ARMC3: variants seen among roughly 807,000 people sequenced by gnomAD.
The protein encoded by ARMC3 is armadillo repeat-containing protein 3.
ARMC3 carries 74 observed loss-of-function variants against 90.3 expected under a neutral mutation model. That is an observed-to-expected ratio of 0.82 (90% CI 0.68 to 0.99). ARMC3 has a LOEUF of 0.99. ARMC3 is among the 50% of genes least tolerant of loss of function. ARMC3 has a pLI of 0.00. For missense variants in ARMC3, 958 were observed against 1,042.8 expected, an observed-to-expected ratio of 0.92 and a Z score of 1.12; for synonymous variants, 334 against 361.8, an observed-to-expected ratio of 0.92 and a Z score of 0.87.
chr10:23,029,617 A>G (rs1838843536), intron 16 of ARMC3, among the ~76,000 whole-genome samples: 1 of 152,214 alleles, frequency 6.6e-6, no homozygotes, highest in African/African-American at 2.4e-5. Context: ...TACATGCCAA[A>G]TTGATTAACA....
At chr10:23,020,352 C>T (rs779980410) in intron 16 of ARMC3, among the ~76,000 whole-genome samples, 4 of 152,162 alleles carry the variant, frequency 2.6e-5, no homozygotes, top group Non-Finnish European at 5.9e-5. Flanking sequence ...CCAGGCTGGT[C>T]TCGAACTCCT....
At chr10:22,963,922 CAAA>C (rs35508443) in intron 7 of ARMC3, among the ~76,000 whole-genome samples, 14 of 58,562 alleles carry the variant, frequency 2.4e-4, no homozygotes, top group African/African-American at 9.8e-4. Flanking sequence ...CACACACACA[CAAA>C]AAAAAAAAAA....
chr10:22,961,702 A>G, intron 6 of ARMC3, 182 bp from the exon 7 acceptor site: 1 of 561,192 alleles, frequency 1.8e-6, no homozygotes, highest in Admixed American at 3.5e-5. Context: ...TATTACAGTT[A>G]AAATAAATTT....
At chr10:22,976,394 C>T (rs927785093) in intron 8 of ARMC3, among the ~76,000 whole-genome samples, 1 of 152,182 alleles carries the variant, frequency 6.6e-6, no homozygotes, top group African/African-American at 2.4e-5. Context: ...CCTCTCAACT[C>T]CGAAATCCTG....
At chr10:22,946,655 A>G (rs1421833725) in intron 3 of ARMC3, 2 of 154,316 alleles carry the variant, frequency 1.3e-5, no homozygotes, top group African/African-American at 4.8e-5. Flanking sequence ...GGGTGAATAA[A>G]TGGAAGAGAA....
chr10:23,017,044 C>G (rs1838305292), intron 16 of ARMC3, among the ~76,000 whole-genome samples: 1 of 151,580 alleles, frequency 6.6e-6, no homozygotes, highest in African/African-American at 2.4e-5. Flanking sequence ...TTACTAAAAT[C>G]TTAACTATGT....
At chr10:22,939,018 G>A (rs1297455624) in intron 2 of ARMC3, among the ~76,000 whole-genome samples, 5 of 152,152 alleles carry the variant, frequency 3.3e-5, no homozygotes, top group Non-Finnish European at 7.4e-5. Flanking sequence ...GCTTTAGTGA[G>A]AACTATTTTG....
rs754824007 is a variant in ARMC3, at chr10:23,008,916, A to C, written c.2030A>C (p.Lys677Thr). Residue 677 changes from lysine (K) to threonine (T), a missense_variant, in exon 16 of 19, where the codon AAA becomes ACA. Physicochemically the swap from Lys to Thr is moderately conservative, Grantham distance 78. Transcript: ENST00000298032. ...RNTVLSKSAT[K>T]EKGWRKSKGK... is the part of the protein sequence containing the mutation. ...ACTGTTCTCAGCAAAAGCGCCACCA[A>C]AGAAAAAGGATGGAGGTAAGAAAGT... 6 of 1,613,368 alleles carry C rather than the reference A, an allele frequency of 3.7e-6. No individual in the cohort carries two copies. In the Admixed American group the frequency reaches 1.0e-4, roughly 27 times the overall value.
intron 8 of ARMC3, among the ~76,000 whole-genome samples, chr10:22,978,992 G>T (rs1836066991): frequency 6.6e-6 from 1 of 152,134 alleles, no homozygotes; most frequent in Non-Finnish European, 1.5e-5. Context: ...ACTGTGGAAA[G>T]CCCAAATCAA....
At chr10:23,036,664 T>C (rs1273302583) in intron 18 of ARMC3, among the ~76,000 whole-genome samples, 1 of 152,208 alleles carries the variant, frequency 6.6e-6, no homozygotes, top group African/African-American at 2.4e-5. Flanking sequence ...TCCTGTTCAC[T>C]ATAAAGTGGC....
At position 23,002,013 on chromosome 10, in the gene ARMC3, G is replaced by A; in HGVS notation, c.1520G>A (p.Cys507Tyr). ...RKHASWAVMV[C>Y]AGDELTANEL... ...CACGCCAGTTGGGCAGTGATGGTCT[G>A]TGCTGGTGACGAGCTGACGGCCAAT... Residue 507 changes from cysteine (C) to tyrosine (Y), a missense_variant, in exon 12 of 19, where the codon TGT becomes TAT. Cys to Tyr is a radical substitution (Grantham distance 194). Coordinates refer to ENST00000298032, the MANE Select transcript of ARMC3 (RefSeq NM_173081.5). 6.2e-7 allele frequency: 1 copy of A among 1,613,938 alleles called. No homozygotes were observed. Among genetic ancestry groups the A allele is most frequent in the Non-Finnish European group, 8.5e-7 (1 of 1,179,836 alleles).
intron 16 of ARMC3, among the ~76,000 whole-genome samples, chr10:23,013,130 C>T (rs1206110444): frequency 6.6e-6 from 1 of 152,062 alleles, no homozygotes; most frequent in Non-Finnish European, 1.5e-5. Flanking sequence ...AACTCCTGGC[C>T]TCACGTGATC....
chr10:22,994,523 C>A (rs1006883821), intron 10 of ARMC3, among the ~76,000 whole-genome samples: 1 of 152,134 alleles, frequency 6.6e-6, no homozygotes, highest in Non-Finnish European at 1.5e-5. Context: ...CGTAGCAAGA[C>A]TCCATCTCTA....
At position 22,959,304 on chromosome 10, in the gene ARMC3, C is replaced by T. The variant is rs191406251; in HGVS notation, c.362-95C>T. ...AAAGAGGTGAGCTTTAAGCAAGATA[C>T]AATTTGTGGAGCTTTGGTTTCCAAA... is the stretch of plus-strand genomic sequence containing the variant. On this transcript the variant is annotated intron_variant, in intron 5 of 18. Transcript: ENST00000298032. 1.4e-5 allele frequency: 19 copies of T among 1,381,392 alleles called. No homozygotes were observed. The East Asian group carries it at 3.7e-4, about 27-fold the overall frequency. 85.6% of individuals were successfully genotyped at this position (1,381,392 alleles called of 1,614,324 possible). A position where few individuals can be genotyped will look rare whatever the true frequency, so the allele number is the denominator to read the frequency against.
At chr10:22,958,952 A>G in intron 4 of ARMC3, 118 bp from the exon 5 acceptor site, 2 of 782,612 alleles carry the variant, frequency 2.6e-6, no homozygotes, top group Non-Finnish European at 4.2e-6. Context: ...CGAACTCCTG[A>G]CCTCAAGTGA....
chr10:23,002,683 C>A (rs1478773845), intron 12 of ARMC3, among the ~76,000 whole-genome samples: 2 of 151,630 alleles, frequency 1.3e-5, no homozygotes, highest in East Asian at 1.9e-4. Flanking sequence ...TCACTGCAAC[C>A]TCTGCCCCCT....
chr10:23,004,298 G>A (rs1382122700), intron 13 of ARMC3, among the ~76,000 whole-genome samples: 1 of 152,008 alleles, frequency 6.6e-6, no homozygotes, highest in Non-Finnish European at 1.5e-5. Flanking sequence ...AGGAGAATGG[G>A]GAAAATGTTA....
At chr10:22,964,440 A>ATTT (rs112985563) in intron 7 of ARMC3, among the ~76,000 whole-genome samples, 2 of 138,468 alleles carry the variant, frequency 1.4e-5, no homozygotes, top group African/African-American at 2.7e-5. Flanking sequence ...TGTAGTGTTA[A>ATTT]TTTTTTTTTT....
intron 8 of ARMC3, among the ~76,000 whole-genome samples, chr10:22,973,751 T>TCC (rs1200908243): frequency 3.5e-4 from 49 of 138,084 alleles, no homozygotes; most frequent in African/African-American, 1.3e-3. Flanking sequence ...TTCTTTGTCT[T>TCC]TCTTTTTTTT....
Sources: gnomAD v4.1 joint callset for allele counts (sites outside exome capture counted in the v4.1 genomes callset) on GRCh38, gnomAD v4.1.1 for gene constraint, MANE v1.5 for transcripts, NCBI Gene and HGNC (gene_info 2026-07-23, HGNC 2026-07-21) for gene names.